The following MRTFA variants were observed in gnomAD, a reference collection of about 807,000 sequenced individuals.
MRTFA encodes the protein myocardin related transcription factor A.
In MRTFA, 20 loss-of-function variants were observed where a neutral mutation model predicts 83.5. That is an observed-to-expected ratio of 0.24 (90% CI 0.17 to 0.35). MRTFA has a LOEUF of 0.35. MRTFA is among the 10% of genes least tolerant of loss of function. MRTFA has a pLI of 1.00. For synonymous variants in MRTFA, 659 were observed against 541.2 expected (o/e 1.22, Z -3.02); for missense variants, 1,200 against 1,224.7 (o/e 0.98, Z 0.30).
intron 4 of MRTFA, among the ~76,000 whole-genome samples, chr22:40,457,489 G>GAAAGAAAGAAAGAAA (rs1569276004): frequency 6.1e-5 from 4 of 65,774 alleles, no homozygotes; most frequent in Admixed American, 1.7e-4. Context: ...AAAGAAAGAA[G>GAAAGAAAGAAAGAAA]GAAAGAAAGA....
intron 3 of MRTFA, among the ~76,000 whole-genome samples, chr22:40,532,532 G>A (rs1021596842): frequency 6.6e-6 from 1 of 152,150 alleles, no homozygotes; most frequent in Non-Finnish European, 1.5e-5. Flanking sequence ...TAGCCTATAT[G>A]CATAAAAAAT....
At chr22:40,466,289 T>C (rs1263094502) in intron 3 of MRTFA, among the ~76,000 whole-genome samples, 1 of 152,220 alleles carries the variant, frequency 6.6e-6, no homozygotes, top group Non-Finnish European at 1.5e-5. Context: ...CTGTGTTAAG[T>C]GACTGTCATG....
chr22:40,421,229 T>G (rs2052832566), intron 9 of MRTFA, 129 bp from the exon 10 acceptor site: 2 of 1,098,820 alleles, frequency 1.8e-6, no homozygotes, highest in East Asian at 5.2e-5. Flanking sequence ...CCATTTCCAC[T>G]CTTCCCTGTG....
At chr22:40,449,159 C>G (rs906131829) in intron 4 of MRTFA, among the ~76,000 whole-genome samples, 5 of 151,362 alleles carry the variant, frequency 3.3e-5, no homozygotes, top group Non-Finnish European at 7.4e-5. Flanking sequence ...CCCAGCTACT[C>G]TGGAGGCTGA....
chr22:40,623,552 A>T (rs1176187681), intron 1 of MRTFA, among the ~76,000 whole-genome samples: 2 of 151,802 alleles, frequency 1.3e-5, no homozygotes, highest in South Asian at 4.2e-4. Flanking sequence ...ACAAATATTT[A>T]TTGAGCATCT....
intron 3 of MRTFA, among the ~76,000 whole-genome samples, chr22:40,536,132 A>C (rs1186356001): frequency 6.6e-6 from 1 of 151,344 alleles, no homozygotes; most frequent in East Asian, 1.9e-4. Flanking sequence ...CTCTACCAAA[A>C]AAAAAAAAAA....
intron 3 of MRTFA, among the ~76,000 whole-genome samples, chr22:40,491,512 TA>T (rs1758943552): frequency 6.6e-6 from 1 of 152,232 alleles, no homozygotes; most frequent in Non-Finnish European, 1.5e-5. Context: ...CTTAGTGTTA[TA>T]AACCTTAAAG....
chr22:40,453,211 C>T (rs1481628433), intron 4 of MRTFA, among the ~76,000 whole-genome samples: 1 of 152,198 alleles, frequency 6.6e-6, no homozygotes, highest in African/African-American at 2.4e-5. Context: ...TTATCAAATG[C>T]AACTTAAACT....
intron 3 of MRTFA, among the ~76,000 whole-genome samples, chr22:40,473,412 G>A (rs868028142): frequency 1.2e-4 from 18 of 152,116 alleles, no homozygotes; most frequent in African/African-American, 4.1e-4. Flanking sequence ...TCCCACTTCG[G>A]CCTCCCAAAG....
chr22:40,415,072 T>C (rs1219800016), intron 14 of MRTFA: 1 of 152,400 alleles, frequency 6.6e-6, no homozygotes, highest in Non-Finnish European at 1.5e-5. Context: ...CTGCCACCTC[T>C]TGGGCCACTT....
chr22:40,445,306 T>C (rs1011215499), intron 4 of MRTFA, among the ~76,000 whole-genome samples: 4 of 152,252 alleles, frequency 2.6e-5, no homozygotes, highest in Non-Finnish European at 4.4e-5. Context: ...TCTTCACTTA[T>C]GGAATCACTT....
intron 1 of MRTFA, among the ~76,000 whole-genome samples, chr22:40,629,683 G>A (rs1194648522): frequency 1.3e-5 from 2 of 150,164 alleles, no homozygotes; most frequent in African/African-American, 2.5e-5. Flanking sequence ...GGCTAAGGCA[G>A]GAGAATTGCT....
intron 4 of MRTFA, among the ~76,000 whole-genome samples, chr22:40,462,615 CCTTA>C (rs1438807885): frequency 6.6e-6 from 1 of 152,192 alleles, no homozygotes; most frequent in Non-Finnish European, 1.5e-5. Context: ...AGGCAAATTT[CCTTA>C]CTTCTAACAG....
intron 3 of MRTFA, among the ~76,000 whole-genome samples, chr22:40,495,543 G>A (rs927538421): frequency 7.9e-5 from 12 of 151,220 alleles, no homozygotes; most frequent in African/African-American, 2.9e-4. Context: ...TGGAACACTT[G>A]AGGTCAGGAG....
chr22:40,540,140 G>A (rs972696805), intron 3 of MRTFA, among the ~76,000 whole-genome samples: 9 of 151,206 alleles, frequency 6.0e-5, no homozygotes, highest in African/African-American at 2.2e-4. Flanking sequence ...TTGAAATCCT[G>A]GGCTCAGGCA....
chr22:40,545,079 C>T lies in MRTFA; in HGVS notation c.241+7027G>A, dbSNP rs78050109. On this transcript the variant is annotated intron_variant, in intron 3 of 14. Transcript: ENST00000355630. ...TATATATAATTAGTAAAAGAAATCA[C>T]TTTCCATTATGATATACTGATTCAA... 4.8e-3 allele frequency among the ~76,000 whole-genome samples: 722 copies of T among 151,810 alleles called. 5 individuals carry two copies. The highest frequency in any genetic ancestry group is 0.016 in the African/African-American group (679 of 41,416).
chr22:40,468,250 G>A (rs2053841287), intron 3 of MRTFA, among the ~76,000 whole-genome samples: 1 of 152,178 alleles, frequency 6.6e-6, no homozygotes, highest in African/African-American at 2.4e-5. Context: ...GGAGTAAGAA[G>A]TGGAGTTCTC....
chr22:40,539,589 G>A (rs183387906), intron 3 of MRTFA, among the ~76,000 whole-genome samples: 1 of 129,152 alleles, frequency 7.7e-6, no homozygotes, highest in Admixed American at 7.7e-5. Context: ...TGCAACCTCC[G>A]CCTCCCGGGT....
chr22:40,598,997 TAA>T (rs577125107), intron 1 of MRTFA, among the ~76,000 whole-genome samples: 35 of 84,470 alleles, frequency 4.1e-4, no homozygotes, highest in African/African-American at 5.9e-4. Flanking sequence ...AAACTCCATC[TAA>T]AAAAAAAAAA....
Sources: gnomAD v4.1 joint callset for allele counts (sites outside exome capture counted in the v4.1 genomes callset) on GRCh38, gnomAD v4.1.1 for gene constraint, MANE v1.5 for transcripts, NCBI Gene and HGNC (gene_info 2026-07-23, HGNC 2026-07-21) for gene names.